TMEM94: variants seen among roughly 807,000 people sequenced by gnomAD.
TMEM94 encodes the protein ER Mg2+ ATPase.
A neutral mutation model predicts 158.6 loss-of-function variants in TMEM94; 81 were observed. That is an observed-to-expected ratio of 0.51 (90% CI 0.43 to 0.61). TMEM94 has a LOEUF of 0.61. Among genes scored for constraint, TMEM94 ranks in the 20% least tolerant of loss-of-function variants. The probability of loss-of-function intolerance (pLI) is 0.00; values close to 1 mark genes in which losing one functional copy is unlikely to be tolerated. For missense variants in TMEM94, 1,435 were observed against 1,762.0 expected, an observed-to-expected ratio of 0.81 and a Z score of 3.32; for synonymous variants, 751 against 730.7, an observed-to-expected ratio of 1.03 and a Z score of -0.45.
At chr17:75,458,561 T>C (rs2049962811) in intron 1 of TMEM94, among the ~76,000 whole-genome samples, 1 of 151,866 alleles carries the variant, frequency 6.6e-6, no homozygotes, top group South Asian at 2.1e-4. Context: ...CATGGTGGCA[T>C]GTGCCTGTGT....
intron 1 of TMEM94, among the ~76,000 whole-genome samples, chr17:75,460,896 A>G (rs1030898367): frequency 2.6e-5 from 4 of 151,822 alleles, no homozygotes; most frequent in African/African-American, 9.7e-5. Context: ...TTGTTGTGCA[A>G]CCCTCATCAC....
chr17:75,469,215 G>T (rs972263769), intron 1 of TMEM94, among the ~76,000 whole-genome samples: 1 of 152,130 alleles, frequency 6.6e-6, no homozygotes, highest in Admixed American at 6.6e-5. Context: ...CTGCCAGCAC[G>T]TGGAAAGAAG....
chr17:75,483,931 A>G (rs1223437459), intron 2 of TMEM94, among the ~76,000 whole-genome samples: 3 of 152,170 alleles, frequency 2.0e-5, no homozygotes, highest in Non-Finnish European at 4.4e-5. Flanking sequence ...CTGGAAACCT[A>G]CAGAGGTTGG....
chr17:75,497,220 C>A (rs1336859847), intron 26 of TMEM94, 22 bp downstream of exon 26: 7 of 1,595,228 alleles, frequency 4.4e-6, no homozygotes, highest in Non-Finnish European at 6.0e-6. Flanking sequence ...TGTATCTTCC[C>A]CACACCCCAT....
rs540554185 is a variant in TMEM94 at position 75,476,847 on chromosome 17, A to G, written c.24+4918A>G. The G allele has an allele frequency of 6.2e-4, 918 of 1,484,194 alleles. 2 individuals carry two copies. Among genetic ancestry groups the G allele is most frequent in the South Asian group, 1.7e-3 (133 of 78,350 alleles). The allele number at this position is 1,484,194 out of a possible 1,614,324, so 91.9% of individuals were successfully genotyped here. A position where few individuals can be genotyped will look rare whatever the true frequency, so the allele number is the denominator to read the frequency against. On this transcript the variant is annotated intron_variant, in intron 2 of 31. Coordinates refer to ENST00000314256, the MANE Select transcript of TMEM94 (RefSeq NM_014738.6). ...CGGTTGCTGTGAGAGTCCTGAAGAC[A>G]ATGCAAAATGGGAGGCTGCTTGAAT...
intron 2 of TMEM94, among the ~76,000 whole-genome samples, chr17:75,477,559 A>C (rs1254634707): frequency 6.6e-6 from 1 of 152,064 alleles, no homozygotes; most frequent in Non-Finnish European, 1.5e-5. Flanking sequence ...AGCCGTTCTA[A>C]TTAGTAGTTA....
At chr17:75,493,224 G>A (rs1227092504) in intron 16 of TMEM94, 122 bp downstream of exon 16, 3 of 1,114,406 alleles carry the variant, frequency 2.7e-6, no homozygotes, top group African/African-American at 3.1e-5. Flanking sequence ...CTGCTTCCAA[G>A]TGTTCCACTC....
chr17:75,482,534 ATG>A (rs1393305738), intron 2 of TMEM94, among the ~76,000 whole-genome samples: 1 of 110,480 alleles, frequency 9.1e-6, no homozygotes, highest in Admixed American at 8.0e-5. Flanking sequence ...ATATGTATGT[ATG>A]TATGTATGTA....
Position 75,489,464 on chromosome 17 carries a change from C to A in TMEM94, c.867+96C>A. 1 of 1,466,874 alleles carries A rather than the reference C, an allele frequency of 6.8e-7. No individual in the cohort carries two copies. Among genetic ancestry groups the A allele is most frequent in the Non-Finnish European group, 9.5e-7 (1 of 1,048,320 alleles). 90.9% of individuals were successfully genotyped at this position (1,466,874 alleles called of 1,614,324 possible). The stretch of plus-strand genomic sequence containing the variant: ...CCACTCACATGAGCGGGAGTGAATG[C>A]AGAGGGTCCCAGAGTGAGCCAGCCT... On this transcript the variant is annotated intron_variant, in intron 8 of 31. Coordinates refer to ENST00000314256, the MANE Select transcript of TMEM94 (RefSeq NM_014738.6). This position sits in a 1 kb window ranked among gnomAD's most constrained non-coding sequence, Gnocchi z 5.0.
At position 75,495,218 on chromosome 17, in the gene TMEM94, T is replaced by G. The variant is rs2052569010; in HGVS notation, c.2729-66T>G. 7.0e-7 allele frequency: 1 copy of G among 1,438,274 alleles called. No individual in the cohort carries two copies. Among genetic ancestry groups the G allele is most frequent in the Non-Finnish European group, 9.5e-7 (1 of 1,053,628 alleles). 89.1% of individuals were successfully genotyped at this position (1,438,274 alleles called of 1,614,324 possible). A position where few individuals can be genotyped will look rare whatever the true frequency, so the allele number is the denominator to read the frequency against. On this transcript the variant is annotated intron_variant, in intron 20 of 31. Transcript: ENST00000314256. This position sits in a 1 kb window ranked among gnomAD's most constrained non-coding sequence, Gnocchi z 5.6. ...GAGTGGACACAGGCAAAAAATTCTC[T>G]GCAGGGCAAGGACAGGTTCCCAGAA...
At chr17:75,493,337 G>A (rs1028330097) in intron 16 of TMEM94, 154 bp from the exon 17 acceptor site, 1 of 853,596 alleles carries the variant, frequency 1.2e-6, no homozygotes, top group Non-Finnish European at 1.9e-6. Flanking sequence ...AAGCCCAGTG[G>A]CATTGCAGAG....
At position 75,495,852 on chromosome 17, in the gene TMEM94, C is replaced by G. The variant is rs2052629510; in HGVS notation, c.2945-114C>G. On this transcript the variant is annotated intron_variant, in intron 22 of 31. Transcript: ENST00000314256. The surrounding 1 kb of genome is among the most constrained non-coding windows in gnomAD (Gnocchi z 5.6). ...CCCGCTGCCGGGGGTGGGATTGTTTCAAAGAGGGGCCCACCTCCCATCGCC... is the reference window on the plus strand; with the variant it reads ...CCCGCTGCCGGGGGTGGGATTGTTTGAAAGAGGGGCCCACCTCCCATCGCC... The G allele has an allele frequency of 2.3e-6, 2 of 859,104 alleles. No homozygotes were observed. The highest frequency in any genetic ancestry group is 3.7e-6 in the Non-Finnish European group (2 of 537,304). 53.2% of individuals were successfully genotyped at this position (859,104 alleles called of 1,614,324 possible).
At position 75,489,167 on chromosome 17, in the gene TMEM94, T is replaced by C. The variant is rs2051906914; in HGVS notation, c.765-99T>C. 2.5e-6 allele frequency: 3 copies of C among 1,197,240 alleles called. No individual in the cohort carries two copies. The highest frequency in any genetic ancestry group is 3.7e-6 in the Non-Finnish European group (3 of 821,734). 74.2% of individuals were successfully genotyped at this position (1,197,240 alleles called of 1,614,324 possible). ...CGTGGAACTGCAGGACTCACGGTGC[T>C]TGAAGAAGCGGTATCTGGCAGAGAG... On this transcript the variant is annotated intron_variant, in intron 7 of 31. Transcript: ENST00000314256. The surrounding 1 kb of genome is among the most constrained non-coding windows in gnomAD (Gnocchi z 5.0).
Position 75,478,001 on chromosome 17 carries a change from A to G in TMEM94, c.24+6072A>G, listed in dbSNP as rs544739597. On this transcript the variant is annotated intron_variant, in intron 2 of 31. Coordinates refer to ENST00000314256, the MANE Select transcript of TMEM94 (RefSeq NM_014738.6). ...AGCCTGGGCAACAAAGCGAGACTCCATCTTTTTTTTTTTTTTTTTTTTTTT... is the reference window on the plus strand; with the variant it reads ...AGCCTGGGCAACAAAGCGAGACTCCGTCTTTTTTTTTTTTTTTTTTTTTTT... Among the ~76,000 whole-genome samples, 37 of 95,880 alleles carry G rather than the reference A, an allele frequency of 3.9e-4. No homozygotes were observed. The South Asian group carries it at 5.6e-3, about 15-fold the overall frequency. The allele number at this position is 95,880 out of a possible 152,430, so 62.9% of individuals were successfully genotyped here. A position where few individuals can be genotyped will look rare whatever the true frequency, so the allele number is the denominator to read the frequency against.
Position 75,494,589 on chromosome 17 carries a change from G to A in TMEM94, c.2408-38G>A, listed in dbSNP as rs775149837. ...TGTGGCCCTGGGCTGGTTCCTGGGT[G>A]TCCTGATCGGGCTGTGTCCTGTGTG... On this transcript the variant is annotated intron_variant, in intron 18 of 31. Coordinates refer to ENST00000314256, the MANE Select transcript of TMEM94 (RefSeq NM_014738.6). The A allele has an allele frequency of 4.4e-6, 7 of 1,604,514 alleles. No homozygotes were observed. The South Asian group carries it at 6.7e-5, about 15-fold the overall frequency.
chr17:75,469,396 G>A (rs1043629588), intron 1 of TMEM94, among the ~76,000 whole-genome samples: 1 of 147,802 alleles, frequency 6.8e-6, no homozygotes, highest in Non-Finnish European at 1.5e-5. Flanking sequence ...CCCGACTGGA[G>A]TGCAGTGGCG....
rs1186757890 is a variant in TMEM94, at chr17:75,498,428, T to C, written c.3639-16T>C. On this transcript the variant is annotated splice_polypyrimidine_tract_variant and intron_variant, in intron 28 of 31. Coordinates refer to ENST00000314256, the MANE Select transcript of TMEM94 (RefSeq NM_014738.6). The surrounding 1 kb of genome is among the most constrained non-coding windows in gnomAD (Gnocchi z 6.7). ...TGCGGCCCTAGAGGGGCTGAGCCCATGCCTCACTTTGGCAGCAACGACGAC... is the reference window on the plus strand; with the variant it reads ...TGCGGCCCTAGAGGGGCTGAGCCCACGCCTCACTTTGGCAGCAACGACGAC... The C allele has an allele frequency of 3.8e-6, 6 of 1,593,278 alleles. No individual in the cohort carries two copies. The highest frequency in any genetic ancestry group is 2.7e-5 in the African/African-American group (2 of 74,612).
chr17:75,498,527 TC>T lies in TMEM94; in HGVS notation c.3724del (p.Leu1242CysfsTer23). Reference sequence around the variant, plus strand: ...CAGAAGCTCACGGCCGCCCTGATTGTCCTGCACACTGGTGAGAGGGCTCCCT... The same window carrying T: ...CAGAAGCTCACGGCCGCCCTGATTGTCTGCACACTGGTGAGAGGGCTCCCT... ...SAQKLTAALI[V>X]LHTVFISITH... is the part of the protein sequence containing the mutation. On this transcript the variant is annotated frameshift_variant, in exon 29 of 32. Coordinates refer to ENST00000314256, the MANE Select transcript of TMEM94 (RefSeq NM_014738.6). LOFTEE classifies it high-confidence loss of function. The surrounding 1 kb of genome is among the most constrained non-coding windows in gnomAD (Gnocchi z 6.7). The T allele has an allele frequency of 6.2e-7, 1 of 1,609,132 alleles. No individual in the cohort carries two copies. Among genetic ancestry groups the T allele is most frequent in the South Asian group, 1.1e-5 (1 of 90,264 alleles).
At chr17:75,459,240 A>G (rs2049992055) in intron 1 of TMEM94, among the ~76,000 whole-genome samples, 1 of 152,158 alleles carries the variant, frequency 6.6e-6, no homozygotes, top group Non-Finnish European at 1.5e-5. Context: ...AAACTGGTGG[A>G]TACTGTGGAG....
Sources: gnomAD v4.1 joint callset for allele counts (sites outside exome capture counted in the v4.1 genomes callset) on GRCh38, gnomAD v4.1.1 for gene constraint, Gnocchi (gnomAD v3.1) non-coding constraint, MANE v1.5 for transcripts, NCBI Gene and HGNC (gene_info 2026-07-23, HGNC 2026-07-21) for gene names.